GLOD4: variants seen among roughly 807,000 people sequenced by gnomAD.
GLOD4 encodes the protein glyoxalase domain containing 4.
A neutral mutation model predicts 39.1 loss-of-function variants in GLOD4; 44 were observed. The observed-to-expected ratio is 1.13, with a 90% CI of 0.88 to 1.45. The LOEUF is 1.45. Among genes scored for constraint, GLOD4 ranks in the 40% most tolerant of loss-of-function variants. GLOD4 has a pLI of 0.00. For missense variants in GLOD4, 405 were observed against 366.4 expected, an observed-to-expected ratio of 1.11 and a Z score of -0.86; for synonymous variants, 145 against 135.0, an observed-to-expected ratio of 1.07 and a Z score of -0.52.
At chr17:776,420 T>G (rs967042478) in intron 3 of GLOD4, among the ~76,000 whole-genome samples, 1 of 152,198 alleles carries the variant, frequency 6.6e-6, no homozygotes, top group Admixed American at 6.5e-5. Context: ...GTAAATCCAT[T>G]ACCCACTCTG....
At chr17:774,390 G>A (rs1005948842) in intron 4 of GLOD4, among the ~76,000 whole-genome samples, 3 of 152,326 alleles carry the variant, frequency 2.0e-5, no homozygotes, top group East Asian at 1.9e-4. Context: ...TAAGGGAGTC[G>A]GCACAAGTGC....
chr17:776,766 A>C (rs1909030970), intron 3 of GLOD4, 102 bp downstream of exon 3: 2 of 881,316 alleles, frequency 2.3e-6, no homozygotes, highest in African/African-American at 3.3e-5. Context: ...TCTCTGCTCA[A>C]ATGTTATCTC....
At position 775,892 on chromosome 17, in the gene GLOD4, C is replaced by G; in HGVS notation, c.289G>C (p.Val97Leu). Reference sequence around the variant, plus strand: ...CACTCCAGCTTCCTGGCGTTGCTGACAGCCTGGCTAGAAGCGAGCGTGATT... The same window carrying G: ...CACTCCAGCTTCCTGGCGTTGCTGAGAGCCTGGCTAGAAGCGAGCGTGATT... ...MGITLASSQAVSNARKLEWPL... is the reference protein window; with the variant it reads ...MGITLASSQALSNARKLEWPL... Residue 97 changes from valine to leucine, a missense_variant, in exon 4 of 9, where the codon GTC (valine) becomes CTC (leucine). By Grantham distance (32) the Val-to-Leu change is conservative. Coordinates refer to ENST00000301329, the MANE Select transcript of GLOD4 (RefSeq NM_016080.4). The G allele has an allele frequency of 1.9e-6, 3 of 1,613,556 alleles. No individual in the cohort carries two copies. The highest frequency in any genetic ancestry group is 1.7e-5 in the Admixed American group (1 of 60,030).
intron 5 of GLOD4, 175 bp from the exon 6 acceptor site, chr17:770,682 T>G: frequency 6.2e-6 from 3 of 480,814 alleles, no homozygotes; most frequent in Non-Finnish European, 1.1e-5. Context: ...CTAGAAGCAC[T>G]GCACGCATCT....
chr17:776,878 T>C lies in GLOD4; in HGVS notation c.251A>G (p.Asn84Ser), dbSNP rs768728303. ...NYGVGDYKLG[N>S]DFMGITLASS... Reference sequence around the variant, plus strand: ...AAAAACGGTATTTACCATAAAGTCATTGCCAAGCTTGTAGTCTCCGACGCC... The same window carrying C: ...AAAAACGGTATTTACCATAAAGTCACTGCCAAGCTTGTAGTCTCCGACGCC... The change falls in exon 3 of 9, where the codon AAT (asparagine) becomes AGT (serine). Residue 84 changes from asparagine to serine, a missense_variant. Coordinates refer to ENST00000301329, the MANE Select transcript of GLOD4 (RefSeq NM_016080.4). The C allele has an allele frequency of 2.5e-6, 4 of 1,613,414 alleles. No homozygotes were observed. The highest frequency in any genetic ancestry group is 1.1e-5 in the South Asian group (1 of 91,068).
intron 3 of GLOD4, among the ~76,000 whole-genome samples, chr17:776,307 C>G (rs1353947940): frequency 1.3e-5 from 2 of 152,170 alleles, no homozygotes; most frequent in African/African-American, 4.8e-5. Context: ...TCAAGGTTTC[C>G]TTACATTTAA....
intron 1 of GLOD4, among the ~76,000 whole-genome samples, chr17:779,061 T>C (rs147558060): frequency 3.9e-5 from 6 of 152,240 alleles, no homozygotes; most frequent in African/African-American, 1.2e-4. Flanking sequence ...ACGCCTATAA[T>C]ACCAGCACTT....
upstream of GLOD4, chr17:782,563 C>T (rs1266538923): frequency 1.3e-5 from 21 of 1,613,924 alleles, no homozygotes; most frequent in Non-Finnish European, 1.7e-5. Flanking sequence ...CGCAAGGCAC[C>T]ATCTGAGGCC....
At chr17:782,834 T>C (rs762025544), upstream of GLOD4, 77 of 981,498 alleles carry the variant, frequency 7.8e-5, no homozygotes, top group Non-Finnish European at 1.1e-4. Flanking sequence ...AATAAGCGTC[T>C]TTGGAATTAG....
intron 1 of GLOD4, 151 bp from the exon 2 acceptor site, chr17:778,895 G>C (rs368686884): frequency 7.3e-4 from 437 of 596,766 alleles, no homozygotes; most frequent in African/African-American, 6.8e-3. Flanking sequence ...CTTCTCCCAG[G>C]ATAGAAGCAG....
In GLOD4 at chr17:767,111, T is replaced by C. The variant is rs1053878365; in HGVS notation, c.831+2758A>G. 9.8e-5 allele frequency among the ~76,000 whole-genome samples: 15 copies of C among 152,344 alleles called. No homozygotes were observed. In the South Asian group the frequency reaches 1.7e-3, roughly 17 times the overall value. ...AGCTCTATAAACCATAACAATCTTA[T>C]GAGATAGATCCTCTTATTTTCTGAA... On this transcript the variant is annotated intron_variant, in intron 8 of 8. Transcript: ENST00000301329.
chr17:775,687 C>G lies in GLOD4; in HGVS notation c.406+88G>C, dbSNP rs1006355070. On this transcript the variant is annotated intron_variant, in intron 4 of 8. Transcript: ENST00000301329. ...GGAAGACACGTCACGTGAACACAGA[C>G]TCTACAAAAAAAAGACAGGCAGCCC... 1.8e-5 allele frequency: 19 copies of G among 1,074,816 alleles called. No individual in the cohort carries two copies. In the African/African-American group the frequency reaches 2.5e-4, roughly 14 times the overall value. 66.6% of individuals were successfully genotyped at this position (1,074,816 alleles called of 1,614,324 possible). A position where few individuals can be genotyped will look rare whatever the true frequency, so the allele number is the denominator to read the frequency against.
At chr17:772,013 CAAAAAAAAAAAAAA>C (rs67745456) in intron 4 of GLOD4, among the ~76,000 whole-genome samples, 3 of 50,994 alleles carry the variant, frequency 5.9e-5, no homozygotes, top group African/African-American at 1.7e-4. Flanking sequence ...AACTCTGTCT[CAAAAAAAAAAAAAA>C]AAAAAAAAAA....
intron 8 of GLOD4, among the ~76,000 whole-genome samples, chr17:768,089 A>G (rs896411628): frequency 2.0e-5 from 3 of 148,516 alleles, no homozygotes; most frequent in Admixed American, 6.7e-5. Context: ...GATTTTTAGA[A>G]GAAGAAATCT....
In GLOD4 at chr17:771,346, C is replaced by CA; in HGVS notation, c.521dup (p.Leu174PhefsTer6). ...TCACCTGGTTATCAGCATAGCCCAG[C>CA]AAAGCCCTTTGCTTTTCTTCATCTT... On this transcript the variant is annotated frameshift_variant, in exon 5 of 9. Transcript: ENST00000301329. LOFTEE classifies it high-confidence loss of function. 1 of 1,603,284 alleles carries CA rather than the reference C, an allele frequency of 6.2e-7. No homozygotes were observed. Among genetic ancestry groups the CA allele is most frequent in the Non-Finnish European group, 8.5e-7 (1 of 1,173,756 alleles).
At chr17:782,773 G>A (rs1910210675), upstream of GLOD4, 4 of 1,421,462 alleles carry the variant, frequency 2.8e-6, no homozygotes, top group African/African-American at 2.9e-5. Flanking sequence ...TTCCGATGGA[G>A]GACTTCTTCC....
chr17:774,860 G>A (rs1274153187), intron 4 of GLOD4, among the ~76,000 whole-genome samples: 1 of 152,116 alleles, frequency 6.6e-6, no homozygotes, highest in Non-Finnish European at 1.5e-5. Flanking sequence ...AGTGAGGTCA[G>A]AAGTTCAAGA....
intron 4 of GLOD4, 126 bp from the exon 5 acceptor site, chr17:771,587 G>T: frequency 1.8e-6 from 1 of 550,902 alleles, no homozygotes; most frequent in South Asian, 2.8e-5. Context: ...CCAGTATGAA[G>T]CTGGGTGCAG....
At chr17:785,502 A>G (rs1325719546), upstream of GLOD4, among the ~76,000 whole-genome samples, 1 of 152,204 alleles carries the variant, frequency 6.6e-6, no homozygotes, top group African/African-American at 2.4e-5. Context: ...TCATTTTCCC[A>G]GATAGTCCCA....
Sources: gnomAD v4.1 joint callset for allele counts (sites outside exome capture counted in the v4.1 genomes callset) on GRCh38, gnomAD v4.1.1 for gene constraint, MANE v1.5 for transcripts, NCBI Gene and HGNC (gene_info 2026-07-23, HGNC 2026-07-21) for gene names.